UNC80: variants seen among roughly 807,000 people sequenced by gnomAD.
UNC80 encodes protein unc-80 homolog.
Under a neutral mutation model 384.6 loss-of-function variants are expected in UNC80, and 164 were observed. The observed-to-expected ratio is 0.43, with a 90% confidence interval of 0.38 to 0.49. The LOEUF is 0.49. UNC80 is among the 20% of genes least tolerant of loss of function. UNC80 has a pLI of 0.00. For synonymous variants in UNC80, 1,486 were observed against 1,527.8 expected (o/e 0.97, Z 0.64); for missense variants, 3,330 against 4,143.0 (o/e 0.80, Z 5.39).
chr2:209,965,580 C>T (rs2092719338), intron 51 of UNC80, among the ~76,000 whole-genome samples: 2 of 151,954 alleles, frequency 1.3e-5, no homozygotes, highest in Admixed American at 1.3e-4. Flanking sequence ...ACCACCACGC[C>T]CAGCTAATTT....
At position 209,937,209 on chromosome 2, in the gene UNC80, T is replaced by A. The variant is rs866686360; in HGVS notation, c.6363+276T>A. ...ATAAGCTAGATAAGACACTTAGGTATTGATCATTATTACATGAAAAATTAC... is the reference window on the plus strand; with the variant it reads ...ATAAGCTAGATAAGACACTTAGGTAATGATCATTATTACATGAAAAATTAC... On this transcript the variant is annotated intron_variant, in intron 41 of 64. Transcript: ENST00000673920. Among the ~76,000 whole-genome samples, 36 of 152,352 alleles carry A rather than the reference T, an allele frequency of 2.4e-4. 1 individual carries two copies. Among genetic ancestry groups the A allele is most frequent in the Middle Eastern group, 3.4e-3 (1 of 294 alleles).
At chr2:209,780,563 G>A (rs2077100606) in intron 4 of UNC80, among the ~76,000 whole-genome samples, 1 of 152,050 alleles carries the variant, frequency 6.6e-6, no homozygotes, top group Admixed American at 6.6e-5. Context: ...TCTTTGTTAT[G>A]GGACACTGTC....
rs1203481274 is a variant in UNC80, at chr2:209,994,122, CA to C, written c.9568del (p.Thr3190GlnfsTer35). 1 of 1,551,616 alleles carries C rather than the reference CA, an allele frequency of 6.4e-7. No homozygotes were observed. Reference protein sequence around the residue: ...IEAQPEPAAAPTDALPATGQL... With the variant: ...IEAQPEPAAAXTDALPATGQL... ...GCTCAGCCAGAGCCAGCAGCTGCCC[CA>C]ACAGATGCGCTTCCTGCAACAGGCC... On this transcript the variant is annotated frameshift_variant, in exon 64 of 65. Transcript: ENST00000673920. LOFTEE classifies it high-confidence loss of function.
chr2:209,861,431 C>G (rs1000350063), intron 22 of UNC80, among the ~76,000 whole-genome samples: 7 of 152,160 alleles, frequency 4.6e-5, no homozygotes, highest in Non-Finnish European at 1.0e-4. Context: ...TTTTGATGTG[C>G]TGCTGGATTT....
intron 18 of UNC80, among the ~76,000 whole-genome samples, chr2:209,838,206 T>C (rs2081475845): frequency 6.6e-6 from 1 of 152,096 alleles, no homozygotes; most frequent in Non-Finnish European, 1.5e-5. Context: ...GGTTGGATCA[T>C]TTTACCTCCC....
intron 61 of UNC80, among the ~76,000 whole-genome samples, chr2:209,986,910 T>C (rs1861072): frequency 0.34 from 52,336 of 152,054 alleles, 10,384 homozygotes; most frequent in Middle Eastern, 0.55. Flanking sequence ...TTATATTTAG[T>C]TTCCAGACTT....
intron 36 of UNC80, among the ~76,000 whole-genome samples, chr2:209,927,564 C>T (rs1471783852): frequency 6.6e-6 from 1 of 152,170 alleles, no homozygotes; most frequent in Non-Finnish European, 1.5e-5. Flanking sequence ...GAGACAACAT[C>T]GTTGTTTAAA....
Position 209,978,583 on chromosome 2 carries a change from G to T in UNC80, c.8993G>T (p.Arg2998Leu). 1 of 1,551,020 alleles carries T rather than the reference G, an allele frequency of 6.4e-7. No homozygotes were observed. The highest frequency in any genetic ancestry group is 1.7e-4 in the Middle Eastern group (1 of 5,986). ...GTGGGCACCTCCACCTCTGCTTACC[G>T]CCTGAGCTTGGCCACCATGTCCCGC... ...STVGTSTSAY[R>L]LSLATMSRSN... is the part of the protein sequence containing the mutation. The change falls in exon 59 of 65, where the codon CGC becomes CTC. Residue 2998 changes from arginine (R) to leucine (L), a missense_variant. Physicochemically the swap from Arg to Leu is moderately radical, Grantham distance 102. Transcript: ENST00000673920.
intron 21 of UNC80, 148 bp downstream of exon 21, chr2:209,842,594 GT>G: frequency 3.2e-6 from 2 of 632,132 alleles, no homozygotes; most frequent in Non-Finnish European, 5.4e-6. Context: ...TATAGCTTCT[GT>G]TTTTGCAATT....
chr2:209,921,828 AAG>A, intron 34 of UNC80, 142 bp downstream of exon 34: 1 of 1,082,908 alleles, frequency 9.2e-7, no homozygotes, highest in South Asian at 2.0e-5. Flanking sequence ...TAACCAAAGA[AAG>A]AGAAAAGTTG....
intron 28 of UNC80, among the ~76,000 whole-genome samples, chr2:209,896,806 T>C (rs1390235042): frequency 6.6e-6 from 1 of 152,070 alleles, no homozygotes; most frequent in Non-Finnish European, 1.5e-5. Context: ...GATCAAATTT[T>C]AAACTGGGGC....
intron 6 of UNC80, among the ~76,000 whole-genome samples, chr2:209,793,186 C>G (rs1017831542): frequency 2.0e-5 from 3 of 152,172 alleles, no homozygotes; most frequent in Non-Finnish European, 4.4e-5. Flanking sequence ...AATAAGCTAC[C>G]TGGTAACAGA....
chr2:209,990,436 C>G (rs1025747285), intron 61 of UNC80, among the ~76,000 whole-genome samples: 2 of 152,186 alleles, frequency 1.3e-5, no homozygotes, highest in Admixed American at 6.5e-5. Flanking sequence ...CTTCTTTTCT[C>G]TACCTTAATG....
chr2:209,772,680 C>T (rs1192068517), intron 1 of UNC80, among the ~76,000 whole-genome samples: 1 of 152,074 alleles, frequency 6.6e-6, no homozygotes, highest in Non-Finnish European at 1.5e-5. Context: ...GACACCTATT[C>T]CAATAAACAG....
At chr2:209,882,554 T>A (rs997463059) in intron 25 of UNC80, among the ~76,000 whole-genome samples, 4 of 152,208 alleles carry the variant, frequency 2.6e-5, no homozygotes, top group African/African-American at 4.8e-5. Flanking sequence ...AGAAGTTTCT[T>A]CTACTGCCCT....
intron 26 of UNC80, among the ~76,000 whole-genome samples, chr2:209,891,632 C>T (rs1268197941): frequency 6.6e-6 from 1 of 152,152 alleles, no homozygotes; most frequent in South Asian, 2.1e-4. Flanking sequence ...TATTTCAACA[C>T]TCAAATGCTG....
At chr2:209,869,307 A>G (rs1247178536) in intron 22 of UNC80, 1 of 152,202 alleles carries the variant, frequency 6.6e-6, no homozygotes, top group Admixed American at 6.5e-5. Flanking sequence ...AAGGTATTCC[A>G]TAACCCTGCC....
In UNC80 at chr2:209,995,362, G is replaced by A. The variant is rs1400301227; in HGVS notation, c.9742G>A (p.Glu3248Lys). The change falls in exon 65 of 65, where the codon GAG becomes AAG. Residue 3248 changes from glutamate (E) to lysine (K), a missense_variant. By Grantham distance (56) the Glu-to-Lys change is moderately conservative. Around this residue, in one of 8 missense-constraint regions of UNC80, gnomAD observed 236 missense variants for 254.9 expected, o/e 0.93. Transcript: ENST00000673920. ...CTTCCCCACTGAAGAAGGAGAAAAG[G>A]AGGAGGACACAGAAGCACAAGGTGC... ...ENFPTEEGEK[E>K]EDTEAQGATA... The A allele has an allele frequency of 6.4e-7, 1 of 1,552,158 alleles. No individual in the cohort carries two copies. Among genetic ancestry groups the A allele is most frequent in the East Asian group, 2.4e-5 (1 of 40,932 alleles).
chr2:209,924,601 A>G (rs532025494), intron 35 of UNC80, among the ~76,000 whole-genome samples: 34 of 152,176 alleles, frequency 2.2e-4, no homozygotes, highest in South Asian at 2.1e-3. Flanking sequence ...GGGCATGTGC[A>G]CAACCTTGTA....
Sources: allele counts gnomAD v4.1 joint callset (sites outside exome capture counted in the v4.1 genomes callset), GRCh38; gene constraint gnomAD v4.1.1; regional missense constraint gnomAD v4.1.1; transcripts MANE v1.5; gene names NCBI Gene and HGNC (gene_info 2026-07-23, HGNC 2026-07-21).